The following TRPM3 variants were observed in gnomAD, a reference collection of about 807,000 sequenced individuals.
TRPM3 encodes long transient receptor potential channel 3.
A neutral mutation model predicts 181.2 loss-of-function variants in TRPM3; 77 were observed. That is an observed-to-expected ratio of 0.42 (90% CI 0.35 to 0.51). The LOEUF is 0.51. Among genes scored for constraint, TRPM3 ranks in the 20% least tolerant of loss-of-function variants. The pLI, the probability that TRPM3 is intolerant of heterozygous loss-of-function variation, is 0.01. For synonymous variants in TRPM3, 745 were observed against 796.4 expected (o/e 0.94, Z 1.09); for missense variants, 1,759 against 2,196.7 (o/e 0.80, Z 3.98).
chr9:70,779,441 C>A (rs1489480177), intron 7 of TRPM3, among the ~76,000 whole-genome samples: 2 of 152,172 alleles, frequency 1.3e-5, no homozygotes, highest in Non-Finnish European at 2.9e-5. Context: ...TTTTGGAACA[C>A]AAACGCATTT....
intron 1 of TRPM3, among the ~76,000 whole-genome samples, chr9:71,342,836 T>C (rs185818507): frequency 8.3e-4 from 127 of 152,192 alleles, no homozygotes; most frequent in African/African-American, 2.9e-3. Context: ...TAAGTGAATT[T>C]TTAAAAAGTA....
intron 1 of TRPM3, among the ~76,000 whole-genome samples, chr9:71,404,772 C>T (rs2093405803): frequency 6.6e-6 from 1 of 152,172 alleles, no homozygotes; most frequent in Non-Finnish European, 1.5e-5. Flanking sequence ...TTCCTAGACT[C>T]CCTCTAACTT....
At chr9:70,610,951 C>T (rs1214154190) in intron 18 of TRPM3, among the ~76,000 whole-genome samples, 2 of 152,142 alleles carry the variant, frequency 1.3e-5, no homozygotes, top group Admixed American at 1.3e-4. Context: ...GATGGAAGGC[C>T]TTGGGTGTAT....
chr9:70,919,382 A>G (rs2096631980), intron 1 of TRPM3, among the ~76,000 whole-genome samples: 1 of 152,254 alleles, frequency 6.6e-6, no homozygotes, highest in South Asian at 2.1e-4. Context: ...ACTCTGCCCC[A>G]GCCTGGAAGG....
intron 1 of TRPM3, among the ~76,000 whole-genome samples, chr9:70,956,001 G>C (rs778978177): frequency 4.6e-5 from 7 of 152,112 alleles, no homozygotes; most frequent in Admixed American, 1.3e-4. Flanking sequence ...TTAGTTAGTG[G>C]TCTCATACCT....
intron 6 of TRPM3, among the ~76,000 whole-genome samples, chr9:70,795,385 G>A (rs148709772): frequency 9.9e-5 from 15 of 152,076 alleles, no homozygotes; most frequent in Non-Finnish European, 1.9e-4. Context: ...CTTATACAAA[G>A]TTTCTCGTTT....
intron 1 of TRPM3, among the ~76,000 whole-genome samples, chr9:71,059,889 A>T (rs1379481609): frequency 6.6e-6 from 1 of 152,060 alleles, no homozygotes; most frequent in African/African-American, 2.4e-5. Context: ...GAAGAAACCT[A>T]ATAACTGGAG....
chr9:71,411,713 C>T (rs1031993703), intron 1 of TRPM3, among the ~76,000 whole-genome samples: 3 of 152,180 alleles, frequency 2.0e-5, no homozygotes, highest in Non-Finnish European at 4.4e-5. Context: ...CATCAAGCTA[C>T]CAGTGACTTT....
intron 1 of TRPM3, among the ~76,000 whole-genome samples, chr9:71,351,639 T>C (rs1408447877): frequency 6.6e-6 from 1 of 152,148 alleles, no homozygotes; most frequent in African/African-American, 2.4e-5. Flanking sequence ...CTTCAAAATA[T>C]AATGGACAAA....
intron 1 of TRPM3, among the ~76,000 whole-genome samples, chr9:71,396,962 T>C (rs2093214763): frequency 1.4e-5 from 2 of 139,350 alleles, no homozygotes; most frequent in South Asian, 4.4e-4. Flanking sequence ...CAAGACTTCA[T>C]CTCAAAAAAA....
chr9:70,754,744 T>G (rs764543143), intron 8 of TRPM3, among the ~76,000 whole-genome samples: 2 of 152,144 alleles, frequency 1.3e-5, no homozygotes, highest in Non-Finnish European at 1.5e-5. Context: ...ATACCCCATA[T>G]AGTTTGTAAG....
intron 1 of TRPM3, among the ~76,000 whole-genome samples, chr9:71,078,067 A>G (rs1439999576): frequency 6.6e-6 from 1 of 151,988 alleles, no homozygotes; most frequent in East Asian, 1.9e-4. Flanking sequence ...TCATACACAT[A>G]TATGTGCGCT....
At chr9:71,118,753 C>A (rs563699831) in intron 1 of TRPM3, among the ~76,000 whole-genome samples, 10 of 151,744 alleles carry the variant, frequency 6.6e-5, no homozygotes, top group African/African-American at 2.4e-4. Context: ...CCTAGAGAAT[C>A]CATTCATCAA....
chr9:70,537,309 C>T lies in TRPM3; in HGVS notation c.3804G>A (p.Leu1268=). ...TGGCCATGCGCCCGATAAGGTCTTC[C>T]AGCTGCGCCAGCCGGATGTCCACGG... is the stretch of plus-strand genomic sequence containing the variant. ...LQTVDIRLAQ[L]EDLIGRMATA... is the part of the protein sequence containing the mutation. Residue 1268 remains leucine, a synonymous_variant, in exon 26 of 26, where the codon CTG becomes CTA. Coordinates refer to ENST00000677713, the MANE Select transcript of TRPM3 (RefSeq NM_001366145.2). 6.5e-7 allele frequency: 1 copy of T among 1,532,104 alleles called. No homozygotes were observed. 94.9% of individuals were successfully genotyped at this position (1,532,104 alleles called of 1,614,324 possible). A position where few individuals can be genotyped will look rare whatever the true frequency, so the allele number is the denominator to read the frequency against.
At chr9:71,414,667 T>A (rs1177175139) in intron 1 of TRPM3, among the ~76,000 whole-genome samples, 1 of 152,064 alleles carries the variant, frequency 6.6e-6, no homozygotes, top group Non-Finnish European at 1.5e-5. Flanking sequence ...TACACATAGA[T>A]CTTGTGTTCA....
chr9:70,696,435 C>G (rs2070474549), intron 8 of TRPM3, among the ~76,000 whole-genome samples: 1 of 152,220 alleles, frequency 6.6e-6, no homozygotes, highest in African/African-American at 2.4e-5. Context: ...TCCTGGGACA[C>G]TCAGATCTTA....
intron 1 of TRPM3, among the ~76,000 whole-genome samples, chr9:71,386,981 A>G (rs1311877135): frequency 6.6e-6 from 1 of 152,128 alleles, no homozygotes. Context: ...GAATTTTTGG[A>G]AATGATTTTC....
At chr9:71,035,655 T>C (rs1027978807) in intron 1 of TRPM3, among the ~76,000 whole-genome samples, 1 of 152,130 alleles carries the variant, frequency 6.6e-6, no homozygotes, top group African/African-American at 2.4e-5. Flanking sequence ...AGGCAGAGGT[T>C]GCAGTGAGCC....
intron 22 of TRPM3, among the ~76,000 whole-genome samples, chr9:70,581,751 G>A (rs917480529): frequency 6.6e-6 from 1 of 152,156 alleles, no homozygotes; most frequent in African/African-American, 2.4e-5. Flanking sequence ...AACCACCGCC[G>A]GCATGGTGAG....
Sources: allele counts gnomAD v4.1 joint callset (sites outside exome capture counted in the v4.1 genomes callset), GRCh38; gene constraint gnomAD v4.1.1; transcripts MANE v1.5; gene names NCBI Gene and HGNC (gene_info 2026-07-23, HGNC 2026-07-21).